CCDC7: variants seen among roughly 807,000 people sequenced by gnomAD.
CCDC7 encodes coiled-coil domain containing 7.
Under a neutral mutation model 196.9 loss-of-function variants are expected in CCDC7, and 183 were observed. The observed-to-expected ratio is 0.93, with a 90% CI of 0.82 to 1.05. CCDC7 has a LOEUF of 1.05. Ranked by LOEUF, CCDC7 falls within the 50% of genes least tolerant of loss-of-function variation. The pLI is 0.00. For missense variants in CCDC7, 1,540 were observed against 1,482.2 expected, an observed-to-expected ratio of 1.04 and a Z score of -0.64; for synonymous variants, 525 against 484.6, an observed-to-expected ratio of 1.08 and a Z score of -1.10.
chr10:32,463,506 A>G (rs1037262343), intron 5 of CCDC7, among the ~76,000 whole-genome samples: 24 of 152,178 alleles, frequency 1.6e-4, no homozygotes, highest in African/African-American at 2.4e-5. Flanking sequence ...GCACTTTGCC[A>G]TTAGTTTGAG....
At chr10:32,832,633 A>ATT (rs2092293149) in intron 32 of CCDC7, among the ~76,000 whole-genome samples, 1 of 152,156 alleles carries the variant, frequency 6.6e-6, no homozygotes, top group Non-Finnish European at 1.5e-5. Flanking sequence ...ATAAATAAAA[A>ATT]TTTACAGGAT....
chr10:32,845,615 A>G lies in CCDC7; in HGVS notation c.3509A>G (p.Lys1170Arg), dbSNP rs1227688341. Residue 1170 changes from lysine (K) to arginine (R), a missense_variant, in exon 35 of 42, where the codon AAA becomes AGA. Transcript: ENST00000639629. ...AAGGAGTCAACCACGACACAATTAA[A>G]AAGTCACCCAGGTAAGAGAAAACAA... The G allele has an allele frequency of 2.5e-6, 4 of 1,611,234 alleles. No individual in the cohort carries two copies. In the East Asian group the frequency reaches 8.9e-5, roughly 36 times the overall value.
chr10:32,506,756 G>A (rs2135189681), intron 9 of CCDC7, among the ~76,000 whole-genome samples: 2 of 152,278 alleles, frequency 1.3e-5, no homozygotes, highest in Non-Finnish European at 2.9e-5. Flanking sequence ...GCGGGCCAAG[G>A]CAGGAGAATC....
intron 18 of CCDC7, among the ~76,000 whole-genome samples, chr10:32,599,180 A>G (rs981701897): frequency 1.3e-5 from 2 of 152,062 alleles, no homozygotes; most frequent in Non-Finnish European, 2.9e-5. Flanking sequence ...TTGTTGTAAC[A>G]TTTCTTGGCT....
intron 23 of CCDC7, among the ~76,000 whole-genome samples, chr10:32,693,600 C>T (rs2077339294): frequency 6.6e-6 from 1 of 152,098 alleles, no homozygotes; most frequent in Non-Finnish European, 1.5e-5. Flanking sequence ...GTGTGGTATA[C>T]AGCACGTCCT....
intron 32 of CCDC7, among the ~76,000 whole-genome samples, chr10:32,826,165 C>T (rs1433951026): frequency 6.6e-6 from 1 of 152,178 alleles, no homozygotes; most frequent in Non-Finnish European, 1.5e-5. Context: ...GCTTCTAGAC[C>T]TATAACTAGA....
At chr10:32,818,778 C>G (rs1427182333) in intron 31 of CCDC7, among the ~76,000 whole-genome samples, 1 of 152,048 alleles carries the variant, frequency 6.6e-6, no homozygotes. Flanking sequence ...AGAACAAAGA[C>G]ACAACATACC....
At chr10:32,747,851 C>T (rs1336446410) in intron 28 of CCDC7, among the ~76,000 whole-genome samples, 2 of 152,140 alleles carry the variant, frequency 1.3e-5, no homozygotes, top group African/African-American at 4.8e-5. Context: ...ACCCAGGAAC[C>T]CCATTACTGG....
intron 28 of CCDC7, among the ~76,000 whole-genome samples, chr10:32,746,941 C>T (rs1241591671): frequency 6.6e-6 from 1 of 152,232 alleles, no homozygotes; most frequent in Non-Finnish European, 1.5e-5. Context: ...TGCCTTGTCA[C>T]AGCCAGCACA....
intron 30 of CCDC7, among the ~76,000 whole-genome samples, chr10:32,810,633 CATT>C: frequency 6.6e-6 from 1 of 152,220 alleles, no homozygotes; most frequent in South Asian, 2.1e-4. Context: ...AACGAAGAAA[CATT>C]GAGTTTAAAC....
intron 18 of CCDC7, chr10:32,623,650 A>C (rs1009509772): frequency 2.2e-6 from 1 of 458,896 alleles, no homozygotes; most frequent in Non-Finnish European, 4.4e-6. Flanking sequence ...CTGTGTTGAC[A>C]TAAGGAAATA....
At chr10:32,527,185 A>C (rs1482577569) in intron 11 of CCDC7, among the ~76,000 whole-genome samples, 2 of 152,116 alleles carry the variant, frequency 1.3e-5, no homozygotes, top group Non-Finnish European at 2.9e-5. Flanking sequence ...CTCTGCTGTG[A>C]CAGGGCAGCG....
rs150414065 is a variant in CCDC7, at chr10:32,729,239, A to G, written c.2780-93A>G. The G allele has an allele frequency of 4.7e-6, 6 of 1,276,422 alleles. No individual in the cohort carries two copies. In the Admixed American group the frequency reaches 9.7e-5, roughly 21 times the overall value. The allele number at this position is 1,276,422 out of a possible 1,614,324, so 79.1% of individuals were successfully genotyped here. A position where few individuals can be genotyped will look rare whatever the true frequency, so the allele number is the denominator to read the frequency against. On this transcript the variant is annotated intron_variant, in intron 27 of 41. Coordinates refer to ENST00000639629, the Ensembl canonical transcript of CCDC7. ...ACACATGCTCATGAAAACTATTCAC[A>G]TGATTTTCTCATTTTACTTCCATGG... is the stretch of plus-strand genomic sequence containing the variant.
chr10:32,459,956 A>G (rs559133710), intron 3 of CCDC7, among the ~76,000 whole-genome samples: 2 of 152,228 alleles, frequency 1.3e-5, no homozygotes, highest in Admixed American at 6.5e-5. Context: ...TTTGTTGATG[A>G]CAGAGCCAGC....
chr10:32,787,253 T>C (rs997222315), intron 29 of CCDC7, among the ~76,000 whole-genome samples: 10 of 150,742 alleles, frequency 6.6e-5, no homozygotes, highest in African/African-American at 2.4e-4. Flanking sequence ...CCGAGACACA[T>C]TGTAATTCTG....
At chr10:32,718,703 A>G (rs1364523541) in intron 25 of CCDC7, among the ~76,000 whole-genome samples, 1 of 152,176 alleles carries the variant, frequency 6.6e-6, no homozygotes, top group Non-Finnish European at 1.5e-5. Flanking sequence ...ATGTGCAAAA[A>G]TCACAAGCAT....
At chr10:32,630,456 T>A (rs1474961873) in intron 18 of CCDC7, among the ~76,000 whole-genome samples, 1 of 151,960 alleles carries the variant, frequency 6.6e-6, no homozygotes, top group African/African-American at 2.4e-5. Context: ...CAATGTGAGG[T>A]TAGTGCAGGG....
Position 32,729,508 on chromosome 10 carries a change from A to G in CCDC7, c.2905+51A>G, listed in dbSNP as rs531358235. On this transcript the variant is annotated intron_variant, in intron 28 of 41. Coordinates refer to ENST00000639629, the Ensembl canonical transcript of CCDC7. ...AAATTGTTTTTATTAAATTCAGGAG[A>G]AATTTGTTTTTGGTTTATAAATATG... is the stretch of plus-strand genomic sequence containing the variant. The G allele has an allele frequency of 6.3e-6, 6 of 952,900 alleles. No homozygotes were observed. The East Asian group carries it at 1.7e-4, about 28-fold the overall frequency. The allele number at this position is 952,900 out of a possible 1,614,324, so 59.0% of individuals were successfully genotyped here. A position where few individuals can be genotyped will look rare whatever the true frequency, so the allele number is the denominator to read the frequency against.
At chr10:32,463,530 T>C (rs897934724) in intron 5 of CCDC7, among the ~76,000 whole-genome samples, 3 of 152,240 alleles carry the variant, frequency 2.0e-5, no homozygotes, top group Admixed American at 6.5e-5. Context: ...TACTGGTCTC[T>C]GTCCTTAGGG....
Sources: gnomAD v4.1 joint callset for allele counts (sites outside exome capture counted in the v4.1 genomes callset) on GRCh38, gnomAD v4.1.1 for gene constraint, MANE v1.5 for transcripts, NCBI Gene and HGNC (gene_info 2026-07-23, HGNC 2026-07-21) for gene names.